The following TACC2 variants were observed in gnomAD, a reference collection of about 807,000 sequenced individuals.
TACC2 encodes the protein transforming acidic coiled-coil-containing protein 2.
Under a neutral mutation model 227.3 loss-of-function variants are expected in TACC2, and 137 were observed. That is an observed-to-expected ratio of 0.60 (90% CI 0.52 to 0.69). The LOEUF is 0.69. TACC2 is among the 30% of genes least tolerant of loss of function. The pLI is 0.00. For synonymous variants in TACC2, 1,523 were observed against 1,487.5 expected, an observed-to-expected ratio of 1.02 and a Z score of -0.55; for missense variants, 3,470 against 3,694.4, an observed-to-expected ratio of 0.94 and a Z score of 1.57.
At chr10:121,997,168 A>G (rs1296779401) in intron 1 of TACC2, among the ~76,000 whole-genome samples, 3 of 152,130 alleles carry the variant, frequency 2.0e-5, no homozygotes, top group African/African-American at 7.2e-5. Flanking sequence ...TATGCTTTCA[A>G]TTGGGGCACA....
intron 2 of TACC2, among the ~76,000 whole-genome samples, chr10:122,046,288 C>T (rs1229588858): frequency 6.6e-6 from 1 of 151,396 alleles, no homozygotes; most frequent in Non-Finnish European, 1.5e-5. Flanking sequence ...TCCTGGCTAA[C>T]ACGGTGAAAC....
At chr10:122,199,949 A>G (rs986725241) in intron 8 of TACC2, among the ~76,000 whole-genome samples, 8 of 152,182 alleles carry the variant, frequency 5.3e-5, no homozygotes, top group Non-Finnish European at 1.0e-4. Context: ...CCATGAGCTC[A>G]TCACCTCCCA....
chr10:122,210,671 A>C lies in TACC2; in HGVS notation c.6246A>C (p.Thr2082=), dbSNP rs753632492. The change falls in exon 9 of 23, where the codon ACA becomes ACC. Residue 2082 remains threonine (T), a synonymous_variant. Transcript: ENST00000369005. This position sits in a 1 kb window ranked among gnomAD's most constrained non-coding sequence, Gnocchi z 4.6. ...STDSVPISKS[T]LSRSLSLQAS... Reference sequence around the variant, plus strand: ...ATTCCGTCCCCATCTCTAAGTCTACACTGTCCCGGTCGCTCAGCCTGCAAG... The same window carrying C: ...ATTCCGTCCCCATCTCTAAGTCTACCCTGTCCCGGTCGCTCAGCCTGCAAG... The C allele has an allele frequency of 1.2e-6, 2 of 1,613,874 alleles. No homozygotes were observed. The highest frequency in any genetic ancestry group is 2.2e-5 in the East Asian group (1 of 44,876).
intron 2 of TACC2, among the ~76,000 whole-genome samples, chr10:122,049,180 G>A (rs1473407672): frequency 6.6e-6 from 1 of 152,228 alleles, no homozygotes; most frequent in African/African-American, 2.4e-5. Context: ...AAGGTGAAAA[G>A]GGCAATGCAT....
chr10:122,252,209 A>G (rs1014239008), intron 22 of TACC2, among the ~76,000 whole-genome samples: 1 of 152,252 alleles, frequency 6.6e-6, no homozygotes, highest in Non-Finnish European at 1.5e-5. Flanking sequence ...GCAAAGCCAT[A>G]TAGGAGCTGG....
At chr10:122,197,158 G>T (rs374171887) in intron 8 of TACC2, among the ~76,000 whole-genome samples, 31 of 152,038 alleles carry the variant, frequency 2.0e-4, no homozygotes, top group Admixed American at 8.5e-4. Context: ...CTACTCAGGA[G>T]GCTGAGGCAG....
In TACC2 at chr10:122,082,702, C is replaced by G; in HGVS notation, c.202C>G (p.Leu68Val). 1 of 1,614,090 alleles carries G rather than the reference C, an allele frequency of 6.2e-7. No homozygotes were observed. Among genetic ancestry groups the G allele is most frequent in the East Asian group, 2.2e-5 (1 of 44,878 alleles). The change falls in exon 4 of 23, where the codon CTG (leucine) becomes GTG (valine). Residue 68 changes from leucine (L) to valine (V), a missense_variant. Physicochemically the swap from Leu to Val is conservative, Grantham distance 32. This residue lies in a region of TACC2 where 405 missense variants were observed against 389.6 expected (regional missense o/e 1.04). Transcript: ENST00000369005. ...CACCGCTTCTGAGAGTTCTGCCAGC[C>G]TGGATCCATGCCTTGTGTCCCCAGA... is the stretch of plus-strand genomic sequence containing the variant. ...FCTASESSAS[L>V]DPCLVSPEVT...
chr10:122,073,273 C>T (rs952421767), intron 3 of TACC2, among the ~76,000 whole-genome samples: 1 of 151,598 alleles, frequency 6.6e-6, no homozygotes, highest in Non-Finnish European at 1.5e-5. Context: ...TGGCATGCAG[C>T]CCCGGGAAGG....
chr10:122,207,163 G>A (rs1333774696), intron 8 of TACC2, among the ~76,000 whole-genome samples: 1 of 152,100 alleles, frequency 6.6e-6, no homozygotes, highest in Non-Finnish European at 1.5e-5. Context: ...GCCAGGCGTG[G>A]TGGCACACAC....
At chr10:122,229,569 C>T in intron 15 of TACC2, 83 bp downstream of exon 15, 5 of 1,524,826 alleles carry the variant, frequency 3.3e-6, no homozygotes, top group Non-Finnish European at 4.5e-6. Context: ...TGAAATAAGG[C>T]AGGATTTGAT....
intron 3 of TACC2, among the ~76,000 whole-genome samples, chr10:122,069,685 G>A (rs2077814444): frequency 1.3e-5 from 2 of 152,226 alleles, no homozygotes; most frequent in South Asian, 4.2e-4. Context: ...TGAAAACATT[G>A]AAAAGCCACC....
At chr10:122,226,605 T>C (rs2095634170) in intron 13 of TACC2, 124 bp downstream of exon 13, 2 of 155,418 alleles carry the variant, frequency 1.3e-5, no homozygotes, top group Non-Finnish European at 2.6e-5. Context: ...ATGCCACATA[T>C]TTTTTTTTTT....
intron 11 of TACC2, among the ~76,000 whole-genome samples, chr10:122,218,759 A>G (rs1589666567): frequency 1.3e-5 from 2 of 152,136 alleles, no homozygotes; most frequent in South Asian, 4.2e-4. Context: ...CACACCTGTA[A>G]TCCCAGCATT....
intron 2 of TACC2, among the ~76,000 whole-genome samples, chr10:122,030,328 T>A (rs7920239): frequency 6.6e-6 from 1 of 152,116 alleles, no homozygotes; most frequent in Non-Finnish European, 1.5e-5. Context: ...CAGAGACTCA[T>A]AGAAATGGAA....
chr10:122,183,212 A>AC (rs397810694), intron 7 of TACC2, among the ~76,000 whole-genome samples: 1 of 151,380 alleles, frequency 6.6e-6, no homozygotes, highest in East Asian at 2.0e-4. Context: ...CTCAAAAAAA[A>AC]CAAAAAAACA....
chr10:122,071,270 T>C (rs900948410), intron 3 of TACC2, among the ~76,000 whole-genome samples: 2 of 152,202 alleles, frequency 1.3e-5, no homozygotes, highest in South Asian at 4.1e-4. Flanking sequence ...ATCAGAATGT[T>C]ATTGGCATGA....
intron 3 of TACC2, among the ~76,000 whole-genome samples, chr10:122,054,191 C>T (rs1391522488): frequency 3.3e-5 from 5 of 152,172 alleles, no homozygotes; most frequent in Non-Finnish European, 5.9e-5. Context: ...CCCATCAATT[C>T]GACTGTCTTG....
intron 5 of TACC2, among the ~76,000 whole-genome samples, chr10:122,120,660 A>G (rs1044785306): frequency 6.6e-6 from 1 of 152,050 alleles, no homozygotes; most frequent in African/African-American, 2.4e-5. Flanking sequence ...CTGCTGTCAC[A>G]TTGCTCACAG....
chr10:122,059,768 A>G (rs1271306041), intron 3 of TACC2, among the ~76,000 whole-genome samples: 1 of 152,200 alleles, frequency 6.6e-6, no homozygotes, highest in African/African-American at 2.4e-5. Flanking sequence ...GGTACCCAGC[A>G]GGGTGTCAAG....
Sources: gnomAD v4.1 joint callset for allele counts (sites outside exome capture counted in the v4.1 genomes callset) on GRCh38, gnomAD v4.1.1 for gene constraint, gnomAD v4.1.1 regional missense constraint, Gnocchi (gnomAD v3.1) non-coding constraint, MANE v1.5 for transcripts, NCBI Gene and HGNC (gene_info 2026-07-23, HGNC 2026-07-21) for gene names.